Variants in FOXA2 observed in about 807,000 individuals in gnomAD.
The protein encoded by FOXA2 is hepatocyte nuclear factor 3-beta.
Under a neutral mutation model 33.3 loss-of-function variants are expected in FOXA2, and 9 were observed. That is an observed-to-expected ratio of 0.27 (90% CI 0.16 to 0.47). FOXA2 has a LOEUF of 0.47. Among genes scored for constraint, FOXA2 ranks in the 20% least tolerant of loss-of-function variants. The probability of loss-of-function intolerance (pLI) is 0.99; values close to 1 mark genes in which losing one functional copy is unlikely to be tolerated. For synonymous variants in FOXA2, 329 were observed against 289.4 expected (o/e 1.14, Z -1.39); for missense variants, 704 against 659.9 (o/e 1.07, Z -0.73).
Position 22,581,772 on chromosome 20 carries a change from G to T in FOXA2, c.*78C>A. 7.1e-7 allele frequency: 1 copy of T among 1,404,232 alleles called. No individual in the cohort carries two copies. The highest frequency in any genetic ancestry group is 1.0e-6 in the Non-Finnish European group (1 of 1,003,102). The allele number at this position is 1,404,232 out of a possible 1,614,324, so 87.0% of individuals were successfully genotyped here. On this transcript the variant is annotated 3_prime_UTR_variant, in exon 2 of 2. Coordinates refer to ENST00000419308, the MANE Select transcript of FOXA2 (RefSeq NM_021784.5). ...GTCTCTGCAACACCGTCTCCCCAAAGTCTCGACCCCCACTTGCTCTCTCAC... is the reference window on the plus strand; with the variant it reads ...GTCTCTGCAACACCGTCTCCCCAAATTCTCGACCCCCACTTGCTCTCTCAC...
At position 22,582,657 on chromosome 20, in the gene FOXA2, G is replaced by T; in HGVS notation, c.585C>A (p.Ile195=). Residue 195 remains isoleucine (I), a synonymous_variant, in exon 2 of 2, where the codon ATC becomes ATA. Transcript: ENST00000419308. The part of the protein sequence containing the change: ...MLTLSEIYQW[I]MDLFPFYRQN... ...GCCGGTAGAAGGGGAAGAGGTCCAT[G>T]ATCCACTGGTAGATCTCGCTCAGCG... The T allele has an allele frequency of 6.2e-7, 1 of 1,614,184 alleles. No individual in the cohort carries two copies. The highest frequency in any genetic ancestry group is 8.5e-7 in the Non-Finnish European group (1 of 1,180,030).
Position 22,581,892 on chromosome 20 carries a change from G to T in FOXA2, c.1350C>A (p.Tyr450Ter). The T allele has an allele frequency of 6.2e-7, 1 of 1,606,330 alleles. No homozygotes were observed. The highest frequency in any genetic ancestry group is 8.5e-7 in the Non-Finnish European group (1 of 1,173,642). The change falls in exon 2 of 2, where the codon TAC (tyrosine) becomes TAA (stop). Residue 450 changes from tyrosine (Y) to a stop codon, truncating the protein, a stop_gained. Transcript: ENST00000419308. LOFTEE classifies it high-confidence loss of function. ...TGGGCCGGGAGTACACCCCCTGGTA[G>T]TAGGAGGTATCTGCGGCCAGGGGCG... ...DASPLAADTS[Y>*]YQGVYSRPIM... is the part of the protein sequence containing the mutation.
intron 1 of FOXA2, 63 bp downstream of exon 1, chr20:22,584,129 C>T (rs1167785998): frequency 3.3e-6 from 5 of 1,529,402 alleles, no homozygotes; most frequent in African/African-American, 1.4e-5. Flanking sequence ...GGAAGCGGTC[C>T]TGAGGTTGGG....
At position 22,582,792 on chromosome 20, in the gene FOXA2, G is replaced by C. The variant is rs775715069; in HGVS notation, c.450C>G (p.Arg150=). Reference sequence around the variant, plus strand: ...GCCTGTAGGTCTTGGGGTCGCGGGCGCGGCTCAGGCCCGCCTGCCCGTACA... The same window carrying C: ...GCCTGTAGGTCTTGGGGTCGCGGGCCCGGCTCAGGCCCGCCTGCCCGTACA... ...SPMYGQAGLS[R]ARDPKTYRRS... The change falls in exon 2 of 2, where the codon CGC becomes CGG. Residue 150 remains arginine, a synonymous_variant. Transcript: ENST00000419308. 1 of 1,613,972 alleles carries C rather than the reference G, an allele frequency of 6.2e-7. No individual in the cohort carries two copies. The highest frequency in any genetic ancestry group is 1.7e-5 in the Admixed American group (1 of 60,030).
intron 1 of FOXA2, among the ~76,000 whole-genome samples, chr20:22,583,737 C>A (rs1192555045): frequency 6.6e-6 from 1 of 152,166 alleles, no homozygotes; most frequent in African/African-American, 2.4e-5. Context: ...GGGAAAGAAC[C>A]GAGACCTGAA....
At position 22,582,217 on chromosome 20, in the gene FOXA2, G is replaced by A. The variant is rs768704026; in HGVS notation, c.1025C>T (p.Ala342Val). 188 of 1,539,270 alleles carry A rather than the reference G, an allele frequency of 1.2e-4. No homozygotes were observed. The highest frequency in any genetic ancestry group is 5.3e-6 in the Non-Finnish European group (6 of 1,141,410). The change falls in exon 2 of 2, where the codon GCG becomes GTG. Residue 342 changes from alanine to valine, a missense_variant. Transcript: ENST00000419308. ...PAAALSPPEP[A>V]PSPGQQQQAA... ...CTGCTGCTGCTGCCCGGGAGAGGGC[G>A]CCGGCTCTGGGGGGCTCAGCGCCGC...
chr20:22,583,123 C>T lies in FOXA2; in HGVS notation c.119G>A (p.Gly40Asp). Residue 40 changes from glycine (G) to aspartate (D), a missense_variant, in exon 2 of 2, where the codon GGC becomes GAC. Physicochemically the swap from Gly to Asp is moderately conservative, Grantham distance 94. Coordinates refer to ENST00000419308, the MANE Select transcript of FOXA2 (RefSeq NM_021784.5). ...CGTGTTCATGCCGTTCATCCCCAGG[C>T]CGGCGTTCATGTTGCTCACGGAGGA... ...GYSSVSNMNA[G>D]LGMNGMNTYM... The T allele has an allele frequency of 6.2e-7, 1 of 1,605,332 alleles. No individual in the cohort carries two copies. The highest frequency in any genetic ancestry group is 8.5e-7 in the Non-Finnish European group (1 of 1,179,814).
chr20:22,581,605 A>T lies in FOXA2; in HGVS notation c.*245T>A. 2 of 400,858 alleles carry T rather than the reference A, an allele frequency of 5.0e-6. No individual in the cohort carries two copies. The highest frequency in any genetic ancestry group is 8.9e-6 in the Non-Finnish European group (2 of 225,690). 24.8% of individuals were successfully genotyped at this position (400,858 alleles called of 1,614,324 possible). On this transcript the variant is annotated 3_prime_UTR_variant, in exon 2 of 2. Coordinates refer to ENST00000419308, the MANE Select transcript of FOXA2 (RefSeq NM_021784.5). ...ACCGGAGGCTTTTTTTTAACTTTATATTCTTTCCCGTTTTCCTCCTTATAT... is the reference window on the plus strand; with the variant it reads ...ACCGGAGGCTTTTTTTTAACTTTATTTTCTTTCCCGTTTTCCTCCTTATAT...
At chr20:22,585,217 A>G (rs776985975), upstream of FOXA2, 3 of 152,276 alleles carry the variant, frequency 2.0e-5, no homozygotes, top group Non-Finnish European at 2.9e-5. Flanking sequence ...TCAAAACAGC[A>G]AGTCCATGAC....
At position 22,581,588 on chromosome 20, in the gene FOXA2, C is replaced by CT. The variant is rs200064227; in HGVS notation, c.*261dup. The CT allele has an allele frequency of 0.012, 4,415 of 356,940 alleles. 147 individuals are homozygous for CT. The highest frequency in any genetic ancestry group is 0.078 in the African/African-American group (3,721 of 48,010). 22.1% of individuals were successfully genotyped at this position (356,940 alleles called of 1,614,324 possible). ...TCTACACAGTAGTGGAAACCGGAGG[C>CT]TTTTTTTTAACTTTATATTCTTTCC... On this transcript the variant is annotated 3_prime_UTR_variant, in exon 2 of 2. Transcript: ENST00000419308.
At chr20:22,583,303 G>A (rs1984655313) in intron 1 of FOXA2, 149 bp from the exon 2 acceptor site, 2 of 839,432 alleles carry the variant, frequency 2.4e-6, no homozygotes, top group Non-Finnish European at 4.0e-6. Flanking sequence ...CGGACTCCGA[G>A]TCTGTTTCAT....
intron 1 of FOXA2, 106 bp from the exon 2 acceptor site, chr20:22,583,260 G>A: frequency 8.1e-7 from 1 of 1,239,688 alleles, no homozygotes; most frequent in Non-Finnish European, 1.2e-6. Flanking sequence ...GGAGGCCTCC[G>A]GGGAGCCCTT....
Position 22,582,012 on chromosome 20 carries a change from G to A in FOXA2, c.1230C>T (p.Ala410=). The change falls in exon 2 of 2, where the codon GCC becomes GCT. Residue 410 remains alanine, a synonymous_variant. Coordinates refer to ENST00000419308, the MANE Select transcript of FOXA2 (RefSeq NM_021784.5). ...HHQPHKMDLK[A]YEQVMHYPGY... ...CGGGGTAGTGCATCACCTGTTCGTA[G>A]GCCTTGAGGTCCATTTTGTGGGGTT... 6.2e-7 allele frequency: 1 copy of A among 1,614,230 alleles called. No individual in the cohort carries two copies. The highest frequency in any genetic ancestry group is 8.5e-7 in the Non-Finnish European group (1 of 1,180,040).
Position 22,581,758 on chromosome 20 carries a change from A to G in FOXA2, c.*92T>C. On this transcript the variant is annotated 3_prime_UTR_variant, in exon 2 of 2. Coordinates refer to ENST00000419308, the MANE Select transcript of FOXA2 (RefSeq NM_021784.5). The stretch of plus-strand genomic sequence containing the variant: ...TTCTTCTCCCTTGCGTCTCTGCAAC[A>G]CCGTCTCCCCAAAGTCTCGACCCCC... The G allele has an allele frequency of 2.4e-6, 3 of 1,242,160 alleles. No homozygotes were observed. The highest frequency in any genetic ancestry group is 3.5e-6 in the Non-Finnish European group (3 of 861,280). 76.9% of individuals were successfully genotyped at this position (1,242,160 alleles called of 1,614,324 possible).
In FOXA2 at chr20:22,582,468, C is replaced by T. The variant is rs762402710; in HGVS notation, c.774G>A (p.Gln258=). 3 of 1,613,170 alleles carry T rather than the reference C, an allele frequency of 1.9e-6. No individual in the cohort carries two copies. Among genetic ancestry groups the T allele is most frequent in the Non-Finnish European group, 2.5e-6 (3 of 1,179,774 alleles). Residue 258 remains glutamine, a synonymous_variant, in exon 2 of 2, where the codon CAG becomes CAA. Coordinates refer to ENST00000419308, the MANE Select transcript of FOXA2 (RefSeq NM_021784.5). The part of the protein sequence containing the change: ...MFENGCYLRR[Q]KRFKCEKQLA... ...GCTGCTTCTCGCACTTGAAGCGCTT[C>T]TGGCGGCGCAGGTAGCAGCCGTTCT...
In FOXA2 at chr20:22,582,099, C is replaced by T. The variant is rs1984593021; in HGVS notation, c.1143G>A (p.Pro381=). 21 of 1,611,192 alleles carry T rather than the reference C, an allele frequency of 1.3e-5. No homozygotes were observed. The highest frequency in any genetic ancestry group is 1.7e-5 in the Admixed American group (1 of 59,430). ...AGGACATGAGGTTGTTGATGGAGAA[C>T]GGGTGGTTGAAGGCGTAGTGGTGTT... ...KPEHHYAFNH[P]FSINNLMSSE... Residue 381 remains proline, a synonymous_variant, in exon 2 of 2, where the codon CCG becomes CCA. Transcript: ENST00000419308.
chr20:22,583,402 T>A (rs575003775), intron 1 of FOXA2, among the ~76,000 whole-genome samples: 1 of 152,314 alleles, frequency 6.6e-6, no homozygotes, highest in African/African-American at 2.4e-5. Flanking sequence ...CTTCTCCACC[T>A]CGCCCAGATT....
In FOXA2 at chr20:22,581,667, C is replaced by G; in HGVS notation, c.*183G>C. On this transcript the variant is annotated 3_prime_UTR_variant, in exon 2 of 2. Coordinates refer to ENST00000419308, the MANE Select transcript of FOXA2 (RefSeq NM_021784.5). ...TATCTGTGTGGCCCTCTGTTTGGGA[C>G]GGAACGGCTGCAGCGGGTGAAGAAG... is the stretch of plus-strand genomic sequence containing the variant. The G allele has an allele frequency of 1.7e-6, 1 of 595,774 alleles. No individual in the cohort carries two copies. Among genetic ancestry groups the G allele is most frequent in the East Asian group, 2.8e-5 (1 of 35,890 alleles). 36.9% of individuals were successfully genotyped at this position (595,774 alleles called of 1,614,324 possible).
At position 22,582,870 on chromosome 20, in the gene FOXA2, G is replaced by A; in HGVS notation, c.372C>T (p.Ala124=). ...AGGGGGCCAGGCCGCCCATGGCCCC[G>A]GCCGCCTGCCCCCCGAGCGGGCTCA... ...PSLSPLGGQA[A]GAMGGLAPYA... is the part of the protein sequence containing the mutation. The change falls in exon 2 of 2, where the codon GCC becomes GCT. Residue 124 remains alanine (A), a synonymous_variant. Coordinates refer to ENST00000419308, the MANE Select transcript of FOXA2 (RefSeq NM_021784.5). 1.9e-6 allele frequency: 3 copies of A among 1,578,666 alleles called. No homozygotes were observed. Among genetic ancestry groups the A allele is most frequent in the Non-Finnish European group, 2.6e-6 (3 of 1,164,620 alleles).
Sources: allele counts gnomAD v4.1 joint callset (sites outside exome capture counted in the v4.1 genomes callset), GRCh38; gene constraint gnomAD v4.1.1; transcripts MANE v1.5; gene names NCBI Gene and HGNC (gene_info 2026-07-23, HGNC 2026-07-21).